STK10: variants seen among roughly 807,000 people sequenced by gnomAD.
The protein encoded by STK10 is serine/threonine kinase 10, also known as serine/threonine-protein kinase 10.
Under a neutral mutation model 113.8 loss-of-function variants are expected in STK10, and 78 were observed. The ratio of observed to expected loss-of-function variants is 0.69; its 90% CI spans 0.57 to 0.83. The LOEUF (loss-of-function observed/expected upper bound fraction) is 0.83, where lower values mean the gene tolerates loss of function less well. Ranked by LOEUF, STK10 falls within the 40% of genes least tolerant of loss-of-function variation. The probability of loss-of-function intolerance (pLI) is 0.00; values close to 1 mark genes in which losing one functional copy is unlikely to be tolerated. For missense variants in STK10, 1,109 were observed against 1,280.1 expected (o/e 0.87, Z 2.04); for synonymous variants, 465 against 494.7 (o/e 0.94, Z 0.80).
intron 13 of STK10, 76 bp downstream of exon 13, chr5:172,064,644 G>A: frequency 6.7e-7 from 1 of 1,500,616 alleles, no homozygotes; most frequent in Non-Finnish European, 9.3e-7. Flanking sequence ...ATTGGGCAAA[G>A]GCAGAGAGGG....
chr5:172,088,736 TCA>T (rs528907687), intron 10 of STK10, among the ~76,000 whole-genome samples: 121 of 152,182 alleles, frequency 8.0e-4, no homozygotes, highest in Middle Eastern at 3.4e-3. Flanking sequence ...GAAGGAATTC[TCA>T]CACACACAGA....
intron 4 of STK10, among the ~76,000 whole-genome samples, chr5:172,108,740 G>A (rs1489642815): frequency 6.6e-6 from 1 of 151,726 alleles, no homozygotes; most frequent in Non-Finnish European, 1.5e-5. Flanking sequence ...AGCCAGGATT[G>A]TGCCACTGCA....
chr5:172,083,579 T>C lies in STK10; in HGVS notation c.1686-495A>G, dbSNP rs115195874. Reference sequence around the variant, plus strand: ...TAGTTTCCACTTCTGGATACTGATTTTAAAGAAATATTTATAGATGCACAA... The same window carrying C: ...TAGTTTCCACTTCTGGATACTGATTCTAAAGAAATATTTATAGATGCACAA... On this transcript the variant is annotated intron_variant, in intron 10 of 18. Coordinates refer to ENST00000176763, the MANE Select transcript of STK10 (RefSeq NM_005990.4). 5.2e-3 allele frequency among the ~76,000 whole-genome samples: 785 copies of C among 152,240 alleles called. 7 individuals carry two copies. Among genetic ancestry groups the C allele is most frequent in the African/African-American group, 0.018 (733 of 41,538 alleles).
At chr5:172,088,561 A>G (rs997571894) in intron 10 of STK10, among the ~76,000 whole-genome samples, 2 of 152,214 alleles carry the variant, frequency 1.3e-5, no homozygotes, top group African/African-American at 4.8e-5. Context: ...AAAAATTTTA[A>G]TTCACATGTA....
intron 12 of STK10, among the ~76,000 whole-genome samples, chr5:172,079,763 T>C (rs1353250355): frequency 2.0e-5 from 3 of 152,112 alleles, no homozygotes; most frequent in East Asian, 3.9e-4. Flanking sequence ...GGTTTCACCA[T>C]GTTGGCCAGG....
At chr5:172,171,815 C>T (rs1178860189) in intron 1 of STK10, among the ~76,000 whole-genome samples, 1 of 146,936 alleles carries the variant, frequency 6.8e-6, no homozygotes, top group Non-Finnish European at 1.5e-5. Context: ...TCTCTCTGGC[C>T]ACAAATATAT....
At chr5:172,108,776 T>C (rs539091260) in intron 4 of STK10, among the ~76,000 whole-genome samples, 77 of 151,880 alleles carry the variant, frequency 5.1e-4, no homozygotes, top group African/African-American at 1.8e-3. Flanking sequence ...TATTTATTAC[T>C]ATTTATTAAT....
chr5:172,159,774 G>T (rs1056690322), intron 1 of STK10, among the ~76,000 whole-genome samples: 3 of 151,926 alleles, frequency 2.0e-5, no homozygotes, highest in African/African-American at 7.3e-5. Flanking sequence ...AGTGAGCCAA[G>T]ATGGCACCAC....
chr5:172,141,304 C>T (rs961992118), intron 2 of STK10, among the ~76,000 whole-genome samples: 23 of 152,036 alleles, frequency 1.5e-4, no homozygotes, highest in African/African-American at 5.3e-4. Context: ...GGGCCAGGCG[C>T]GGTGGCTCAT....
In STK10 at chr5:172,049,169, T is replaced by C. The variant is rs527594235; in HGVS notation, c.2766+3760A>G. Among the ~76,000 whole-genome samples, 3 of 152,292 alleles carry C rather than the reference T, an allele frequency of 2.0e-5. No homozygotes were observed. In the South Asian group the frequency reaches 6.2e-4, roughly 32 times the overall value. On this transcript the variant is annotated intron_variant, in intron 18 of 18. Coordinates refer to ENST00000176763, the MANE Select transcript of STK10 (RefSeq NM_005990.4). ...GGAGGGCATGGACTTGTCCCTTTTGTTCAATGCAGTGTCTCTAGAGTCTGA... is the reference window on the plus strand; with the variant it reads ...GGAGGGCATGGACTTGTCCCTTTTGCTCAATGCAGTGTCTCTAGAGTCTGA...
intron 1 of STK10, 88 bp from the exon 2 acceptor site, chr5:172,156,876 G>T: frequency 6.9e-7 from 1 of 1,457,924 alleles, no homozygotes; most frequent in Non-Finnish European, 9.3e-7. Context: ...GCATGAGTGT[G>T]AAAACAGAGG....
intron 1 of STK10, among the ~76,000 whole-genome samples, chr5:172,185,204 G>A (rs1341513852): frequency 6.6e-6 from 1 of 152,096 alleles, no homozygotes; most frequent in Admixed American, 6.5e-5. Context: ...GACACACTGC[G>A]GGGAAGGGGA....
chr5:172,109,520 C>G (rs1030063025), intron 4 of STK10, among the ~76,000 whole-genome samples: 1 of 151,968 alleles, frequency 6.6e-6, no homozygotes, highest in Non-Finnish European at 1.5e-5. Flanking sequence ...GTTGCCCAGG[C>G]TGGTCTTGAA....
intron 2 of STK10, among the ~76,000 whole-genome samples, chr5:172,129,643 G>C (rs1005135165): frequency 6.6e-6 from 1 of 152,152 alleles, no homozygotes; most frequent in African/African-American, 2.4e-5. Flanking sequence ...ACAGACAGAG[G>C]TGACTTGGAA....
chr5:172,142,148 C>T (rs928408811), intron 2 of STK10, among the ~76,000 whole-genome samples: 1 of 152,168 alleles, frequency 6.6e-6, no homozygotes, highest in Non-Finnish European at 1.5e-5. Flanking sequence ...ACACACCCAG[C>T]ATTAGACCTG....
intron 7 of STK10, among the ~76,000 whole-genome samples, chr5:172,098,928 T>TACCATC (rs1403056475): frequency 3.6e-4 from 42 of 117,094 alleles, no homozygotes; most frequent in African/African-American, 1.3e-3. Flanking sequence ...TCATTACCAT[T>TACCATC]ACCATCATCA....
intron 17 of STK10, 97 bp from the exon 18 acceptor site, chr5:172,053,139 T>C: frequency 1.2e-6 from 1 of 866,244 alleles, no homozygotes; most frequent in Non-Finnish European, 1.9e-6. Flanking sequence ...GGCACCAGCA[T>C]CGTTCATTTA....
At chr5:172,077,708 T>C (rs372594936) in intron 12 of STK10, among the ~76,000 whole-genome samples, 6 of 152,256 alleles carry the variant, frequency 3.9e-5, no homozygotes, top group East Asian at 1.9e-4. Context: ...CCAATTGCTG[T>C]AATACTGAAG....
chr5:172,052,795 G>T, intron 18 of STK10, 134 bp downstream of exon 18: 1 of 805,286 alleles, frequency 1.2e-6, no homozygotes, highest in Non-Finnish European at 2.0e-6. Context: ...TCTCTCTCAG[G>T]CTGGAGATCC....
Sources: allele counts gnomAD v4.1 joint callset (sites outside exome capture counted in the v4.1 genomes callset), GRCh38; gene constraint gnomAD v4.1.1; transcripts MANE v1.5; gene names NCBI Gene and HGNC (gene_info 2026-07-23, HGNC 2026-07-21).